ARID2: variants seen among roughly 807,000 people sequenced by gnomAD.
ARID2 encodes AT-rich interactive domain-containing protein 2.
ARID2 carries 32 observed loss-of-function variants against 184.6 expected under a neutral mutation model. The observed-to-expected ratio is 0.17, with a 90% confidence interval of 0.13 to 0.23. The LOEUF (loss-of-function observed/expected upper bound fraction) is 0.23, where lower values mean the gene tolerates loss of function less well. ARID2 is among the 10% of genes least tolerant of loss of function. The pLI is 1.00. For synonymous variants in ARID2, 836 were observed against 772.6 expected (o/e 1.08, Z -1.36); for missense variants, 1,696 against 2,197.6 (o/e 0.77, Z 4.56).
chr12:45,869,165 T>C (rs373511941), intron 16 of ARID2, among the ~76,000 whole-genome samples: 34 of 152,090 alleles, frequency 2.2e-4, no homozygotes, highest in African/African-American at 8.0e-4. Context: ...TACAGGCACG[T>C]GCCACCATGC....
chr12:45,874,256 C>T (rs1943972422), intron 16 of ARID2: 1 of 152,190 alleles, frequency 6.6e-6, no homozygotes, highest in Non-Finnish European at 1.5e-5. Flanking sequence ...AACTCCAACG[C>T]TGATCAGTAC....
chr12:45,901,154 A>ATTTTTTT lies in ARID2; in HGVS notation c.5364-3752_5364-3746dup, dbSNP rs71067909. ...AATCTATTTTTTGGAAATTTCCTTA[A>ATTTTTTT]TTTTTTTTTTTTTTTTTTTTTTTTT... On this transcript the variant is annotated intron_variant, in intron 20 of 20. Transcript: ENST00000334344. Among the ~76,000 whole-genome samples, 41 of 44,956 alleles carry ATTTTTTT rather than the reference A, an allele frequency of 9.1e-4. 7 individuals are homozygous for ATTTTTTT. Among genetic ancestry groups the ATTTTTTT allele is most frequent in the African/African-American group, 1.3e-3 (9 of 7,160 alleles). 29.5% of individuals were successfully genotyped at this position (44,956 alleles called of 152,430 possible).
intron 3 of ARID2, among the ~76,000 whole-genome samples, chr12:45,747,884 T>A (rs1289149691): frequency 1.3e-5 from 2 of 152,174 alleles, no homozygotes; most frequent in African/African-American, 4.8e-5. Flanking sequence ...GAGTCTTGTG[T>A]AGGGTAAGAT....
intron 15 of ARID2, among the ~76,000 whole-genome samples, chr12:45,856,397 T>C (rs907712766): frequency 2.6e-5 from 4 of 152,226 alleles, no homozygotes; most frequent in Admixed American, 2.6e-4. Flanking sequence ...TAAAGTTGCA[T>C]GTTAGACCTT....
chr12:45,767,087 C>T (rs1941786165), intron 3 of ARID2, among the ~76,000 whole-genome samples: 1 of 152,182 alleles, frequency 6.6e-6, no homozygotes, highest in Non-Finnish European at 1.5e-5. Flanking sequence ...TTGCCATCCT[C>T]ATAGGTGTGT....
chr12:45,777,801 T>C (rs1942013249), intron 3 of ARID2, among the ~76,000 whole-genome samples: 1 of 147,876 alleles, frequency 6.8e-6, no homozygotes, highest in Non-Finnish European at 1.5e-5. Flanking sequence ...TATATAAATA[T>C]ATATTTTATT....
intron 3 of ARID2, among the ~76,000 whole-genome samples, chr12:45,793,806 A>C (rs1332328056): frequency 6.7e-6 from 1 of 148,292 alleles, no homozygotes; most frequent in African/African-American, 2.5e-5. Context: ...TTAATCTTTT[A>C]GTGCAGGTCT....
intron 3 of ARID2, among the ~76,000 whole-genome samples, chr12:45,747,064 C>T (rs190003180): frequency 1.2e-3 from 180 of 152,252 alleles, no homozygotes; most frequent in African/African-American, 4.0e-3. Context: ...CCACCGTGCC[C>T]GGCTGGACCT....
At chr12:45,903,525 T>A (rs1483542509) in intron 20 of ARID2, among the ~76,000 whole-genome samples, 1 of 152,174 alleles carries the variant, frequency 6.6e-6, no homozygotes, top group Non-Finnish European at 1.5e-5. Context: ...ATCCACTCTT[T>A]TGAGTGTGTG....
chr12:45,867,766 A>C (rs1039726901), intron 16 of ARID2, among the ~76,000 whole-genome samples: 4 of 151,186 alleles, frequency 2.6e-5, no homozygotes, highest in Non-Finnish European at 5.9e-5. Context: ...AGAAAAAAAA[A>C]CTTCTGTACA....
chr12:45,800,583 T>TA (rs748690810), intron 3 of ARID2, among the ~76,000 whole-genome samples: 3 of 152,186 alleles, frequency 2.0e-5, no homozygotes, highest in Non-Finnish European at 4.4e-5. Flanking sequence ...GAAATAAAGA[T>TA]ACCTCTTTAA....
At chr12:45,891,737 T>C (rs1055129326) in intron 16 of ARID2, 43 bp from the exon 17 acceptor site, 33 of 1,591,740 alleles carry the variant, frequency 2.1e-5, no homozygotes, top group Non-Finnish European at 2.6e-5. Context: ...TTTCAAAATA[T>C]ACTTGAATAC....
chr12:45,860,339 T>C (rs61925815), intron 15 of ARID2, among the ~76,000 whole-genome samples: 2,211 of 152,330 alleles, frequency 0.015, 13 homozygotes, highest in Non-Finnish European at 0.023. Flanking sequence ...TATTGCTATC[T>C]AAAATTTTCA....
chr12:45,817,093 ATGCATGT>A (rs1369046125), intron 4 of ARID2, among the ~76,000 whole-genome samples: 4 of 151,810 alleles, frequency 2.6e-5, no homozygotes, highest in Admixed American at 6.6e-5. Context: ...CACAGGGCTC[ATGCATGT>A]AATGCAGCAC....
At chr12:45,842,148 T>A (rs1054058964) in intron 11 of ARID2, 7 of 150,382 alleles carry the variant, frequency 4.7e-5, no homozygotes, top group African/African-American at 1.5e-4. Flanking sequence ...AGTCCCAGCT[T>A]GGGCCCAGGG....
chr12:45,886,730 C>T (rs1269126385), intron 16 of ARID2, among the ~76,000 whole-genome samples: 5 of 152,234 alleles, frequency 3.3e-5, no homozygotes, highest in Non-Finnish European at 5.9e-5. Context: ...CTCAACACCA[C>T]GTGAAAGCTG....
intron 16 of ARID2, among the ~76,000 whole-genome samples, chr12:45,878,972 C>G (rs1335984691): frequency 6.6e-6 from 1 of 151,750 alleles, no homozygotes; most frequent in Non-Finnish European, 1.5e-5. Flanking sequence ...CCTTTTTTTT[C>G]TTCCTTTGTT....
intron 3 of ARID2, among the ~76,000 whole-genome samples, chr12:45,795,225 C>A (rs1942367062): frequency 6.6e-6 from 1 of 152,064 alleles, no homozygotes; most frequent in Non-Finnish European, 1.5e-5. Context: ...ATCAAAGTCC[C>A]ATCTAGAACA....
At chr12:45,890,816 TTAA>T (rs1218595324) in intron 16 of ARID2, among the ~76,000 whole-genome samples, 1 of 152,040 alleles carries the variant, frequency 6.6e-6, no homozygotes, top group Non-Finnish European at 1.5e-5. Flanking sequence ...TATAGATATG[TTAA>T]TATGACAGCC....
Sources: gnomAD v4.1 joint callset for allele counts (sites outside exome capture counted in the v4.1 genomes callset) on GRCh38, gnomAD v4.1.1 for gene constraint, MANE v1.5 for transcripts, NCBI Gene and HGNC (gene_info 2026-07-23, HGNC 2026-07-21) for gene names.